VPS13B: variants seen among roughly 807,000 people sequenced by gnomAD.
VPS13B encodes the protein vacuolar protein sorting 13 homolog B.
A neutral mutation model predicts 426.4 loss-of-function variants in VPS13B; 285 were observed. The ratio of observed to expected loss-of-function variants is 0.67; its 90% CI spans 0.61 to 0.74. The LOEUF (loss-of-function observed/expected upper bound fraction) is 0.74. Among genes scored for constraint, VPS13B ranks in the 30% least tolerant of loss-of-function variants. The pLI is 0.00. For synonymous variants in VPS13B, 1,676 were observed against 1,676.4 expected (o/e 1.00, Z 0.01); for missense variants, 4,537 against 4,782.6 (o/e 0.95, Z 1.51).
At chr8:99,776,222 C>T (rs1811734079) in intron 40 of VPS13B, among the ~76,000 whole-genome samples, 2 of 152,020 alleles carry the variant, frequency 1.3e-5, no homozygotes. Flanking sequence ...AACAAATGGC[C>T]CGTAAGTTTT....
At chr8:99,530,343 G>A (rs961038822) in intron 30 of VPS13B, among the ~76,000 whole-genome samples, 11 of 152,048 alleles carry the variant, frequency 7.2e-5, no homozygotes, top group Admixed American at 1.3e-4. Context: ...GGCTGAGTGC[G>A]GTGGCTGATG....
intron 53 of VPS13B, 34 bp downstream of exon 53, chr8:99,835,358 A>G (rs1815332449): frequency 1.3e-6 from 2 of 1,595,586 alleles, no homozygotes; most frequent in East Asian, 2.2e-5. Context: ...AGATAATACT[A>G]AATGTGTATT....
At chr8:99,028,709 G>A (rs1361640654) in intron 2 of VPS13B, among the ~76,000 whole-genome samples, 4 of 139,500 alleles carry the variant, frequency 2.9e-5, no homozygotes, top group Non-Finnish European at 3.1e-5. Flanking sequence ...GCGGCTGGCC[G>A]GGTGGGGGGC....
chr8:99,573,252 C>A (rs924200328), intron 31 of VPS13B, among the ~76,000 whole-genome samples: 1 of 152,168 alleles, frequency 6.6e-6, no homozygotes, highest in African/African-American at 2.4e-5. Flanking sequence ...TGTAGGTTGC[C>A]TGTTCACTCT....
intron 33 of VPS13B, among the ~76,000 whole-genome samples, chr8:99,592,388 G>C (rs1436418323): frequency 6.6e-6 from 1 of 152,016 alleles, no homozygotes; most frequent in Non-Finnish European, 1.5e-5. Context: ...CTTTGGAGTA[G>C]AACGGGCGCT....
At chr8:99,335,812 G>A (rs1421445172) in intron 19 of VPS13B, among the ~76,000 whole-genome samples, 19 of 152,144 alleles carry the variant, frequency 1.2e-4, no homozygotes, top group Non-Finnish European at 1.6e-4. Context: ...TACAAGGGTC[G>A]TGAAGGACCT....
chr8:99,569,783 CT>C (rs921920004), intron 31 of VPS13B, among the ~76,000 whole-genome samples: 8 of 151,686 alleles, frequency 5.3e-5, no homozygotes, highest in East Asian at 1.9e-4. Context: ...GAGAACTATA[CT>C]TTTTTTTTGT....
chr8:99,603,288 T>C (rs1456685554), intron 33 of VPS13B, among the ~76,000 whole-genome samples: 2 of 152,182 alleles, frequency 1.3e-5, no homozygotes, highest in Non-Finnish European at 2.9e-5. Flanking sequence ...GGGTGATACA[T>C]TCCAAGACCC....
At chr8:99,774,786 C>G (rs930260222) in intron 40 of VPS13B, among the ~76,000 whole-genome samples, 20 of 152,100 alleles carry the variant, frequency 1.3e-4, no homozygotes, top group Admixed American at 6.5e-5. Context: ...CCAATGAAAT[C>G]TTTTGTTAAC....
intron 3 of VPS13B, among the ~76,000 whole-genome samples, chr8:99,091,370 A>G (rs1414429022): frequency 6.6e-6 from 1 of 152,108 alleles, no homozygotes; most frequent in Admixed American, 6.6e-5. Flanking sequence ...GAGATGATCA[A>G]ATGAAAAGAA....
intron 36 of VPS13B, among the ~76,000 whole-genome samples, chr8:99,703,780 C>T (rs187357155): frequency 8.5e-4 from 129 of 152,194 alleles, no homozygotes; most frequent in African/African-American, 2.9e-3. Context: ...GAGTGAGCTA[C>T]AGACTTTAGC....
Position 99,717,388 on chromosome 8 carries a change from G to C in VPS13B, c.6657+15G>C. The C allele has an allele frequency of 6.2e-7, 1 of 1,609,986 alleles. No individual in the cohort carries two copies. The highest frequency in any genetic ancestry group is 8.5e-7 in the Non-Finnish European group (1 of 1,176,602). On this transcript the variant is annotated intron_variant, in intron 37 of 61. Transcript: ENST00000357162. ...GTCTACTACAGGTCTGTGGGTATTG[G>C]CCATATTTTTTTCATAGGTTATTAA...
chr8:99,160,273 G>C (rs1315940336), intron 15 of VPS13B, among the ~76,000 whole-genome samples: 2 of 152,134 alleles, frequency 1.3e-5, no homozygotes, highest in African/African-American at 4.8e-5. Flanking sequence ...TTTTAGCTAA[G>C]CAAGCAGAGA....
chr8:99,824,053 C>A, intron 51 of VPS13B, 75 bp downstream of exon 51: 1 of 1,537,928 alleles, frequency 6.5e-7, no homozygotes. Flanking sequence ...TCTCTTTAAC[C>A]TATAGCAAAT....
chr8:99,475,588 A>G (rs1819649538), intron 24 of VPS13B, among the ~76,000 whole-genome samples: 1 of 152,212 alleles, frequency 6.6e-6, no homozygotes. Flanking sequence ...CTTTGGCTCA[A>G]AACTAGAGTA....
At chr8:99,193,699 CATT>C (rs1321949380) in intron 17 of VPS13B, among the ~76,000 whole-genome samples, 1 of 152,072 alleles carries the variant, frequency 6.6e-6, no homozygotes, top group Non-Finnish European at 1.5e-5. Flanking sequence ...CTTAAAGTAA[CATT>C]ATTTTTAATT....
At chr8:99,261,366 C>T (rs532875487) in intron 17 of VPS13B, among the ~76,000 whole-genome samples, 2 of 152,236 alleles carry the variant, frequency 1.3e-5, no homozygotes, top group African/African-American at 2.4e-5. Flanking sequence ...GTAGCCTTTT[C>T]ACATTCTCTT....
intron 3 of VPS13B, among the ~76,000 whole-genome samples, chr8:99,069,893 A>C (rs1385601103): frequency 6.6e-6 from 1 of 152,206 alleles, no homozygotes; most frequent in Admixed American, 6.5e-5. Flanking sequence ...ATTTTTGAAA[A>C]AAGTTTTAAA....
At chr8:99,399,603 T>G (rs1348042643) in intron 21 of VPS13B, among the ~76,000 whole-genome samples, 1 of 152,172 alleles carries the variant, frequency 6.6e-6, no homozygotes, top group Non-Finnish European at 1.5e-5. Flanking sequence ...GAAGCATCCT[T>G]CGGTCATCTC....
Sources: gnomAD v4.1 joint callset for allele counts (sites outside exome capture counted in the v4.1 genomes callset) on GRCh38, gnomAD v4.1.1 for gene constraint, MANE v1.5 for transcripts, NCBI Gene and HGNC (gene_info 2026-07-23, HGNC 2026-07-21) for gene names.